The following MSI2 variants were observed in gnomAD, a reference collection of about 807,000 sequenced individuals.
MSI2 encodes the protein RNA-binding protein Musashi homolog 2.
A neutral mutation model predicts 45.6 loss-of-function variants in MSI2; 17 were observed. The ratio of observed to expected loss-of-function variants is 0.37; its 90% CI spans 0.26 to 0.56. The LOEUF (loss-of-function observed/expected upper bound fraction) is 0.56. Among genes scored for constraint, MSI2 ranks in the 20% least tolerant of loss-of-function variants. The pLI, the probability that MSI2 is intolerant of heterozygous loss-of-function variation, is 0.77. For missense variants in MSI2, 293 were observed against 444.2 expected, an observed-to-expected ratio of 0.66 and a Z score of 3.06; for synonymous variants, 156 against 158.2, an observed-to-expected ratio of 0.99 and a Z score of 0.11.
At chr17:57,587,665 C>T (rs1904427796) in intron 7 of MSI2, among the ~76,000 whole-genome samples, 1 of 152,060 alleles carries the variant, frequency 6.6e-6, no homozygotes, top group Non-Finnish European at 1.5e-5. Context: ...AGACCCGTGT[C>T]GACTCACGCC....
At chr17:57,257,432 TCCC>T in intron 2 of MSI2, 31 bp from the exon 3 acceptor site, 4 of 1,033,960 alleles carry the variant, frequency 3.9e-6, no homozygotes, top group Non-Finnish European at 1.4e-6. Context: ...ACACCTTCTC[TCCC>T]CCCCCCATCT....
chr17:57,646,615 C>A (rs1910684370), intron 10 of MSI2, among the ~76,000 whole-genome samples: 1 of 152,196 alleles, frequency 6.6e-6, no homozygotes, highest in Non-Finnish European at 1.5e-5. Flanking sequence ...TCCAATTGCA[C>A]AGCAAAGCAG....
At chr17:57,613,093 T>C (rs898123000) in intron 8 of MSI2, among the ~76,000 whole-genome samples, 1 of 152,174 alleles carries the variant, frequency 6.6e-6, no homozygotes, top group Non-Finnish European at 1.5e-5. Context: ...GCAATGACAA[T>C]ATTCTAATAG....
chr17:57,675,477 G>A (rs924474744), intron 12 of MSI2, among the ~76,000 whole-genome samples: 2 of 152,344 alleles, frequency 1.3e-5, no homozygotes, highest in African/African-American at 4.8e-5. Flanking sequence ...GATTGTGGGA[G>A]GATTATTCGA....
intron 5 of MSI2, among the ~76,000 whole-genome samples, chr17:57,321,088 G>A (rs951430798): frequency 4.0e-5 from 6 of 151,544 alleles, no homozygotes; most frequent in Admixed American, 1.3e-4. Flanking sequence ...TATAATTGGC[G>A]GTGGGGGGGA....
At chr17:57,326,935 ATCTGAGAGTGTTTT>A (rs1913845764) in intron 5 of MSI2, among the ~76,000 whole-genome samples, 1 of 152,206 alleles carries the variant, frequency 6.6e-6, no homozygotes, top group Non-Finnish European at 1.5e-5. Context: ...AGAACTGCTC[ATCTGAGAGTGTTTT>A]TGATAGGGTG....
At chr17:57,659,875 C>T (rs1014182095) in intron 11 of MSI2, among the ~76,000 whole-genome samples, 15 of 152,126 alleles carry the variant, frequency 9.9e-5, no homozygotes, top group African/African-American at 2.7e-4. Flanking sequence ...ACTGGACCTA[C>T]GGGACATCTG....
intron 5 of MSI2, among the ~76,000 whole-genome samples, chr17:57,298,031 T>C (rs1340076121): frequency 1.3e-5 from 2 of 151,914 alleles, no homozygotes; most frequent in Admixed American, 1.3e-4. Flanking sequence ...TAAACTTCTG[T>C]TAATGCTGAT....
chr17:57,581,626 C>T (rs1406007654), intron 7 of MSI2, among the ~76,000 whole-genome samples: 1 of 152,136 alleles, frequency 6.6e-6, no homozygotes, highest in African/African-American at 2.4e-5. Flanking sequence ...CAGACACAGT[C>T]TTAGAACATG....
intron 5 of MSI2, among the ~76,000 whole-genome samples, chr17:57,306,817 G>C: frequency 6.6e-6 from 1 of 152,016 alleles, no homozygotes; most frequent in East Asian, 1.9e-4. Flanking sequence ...ATGAATCTTG[G>C]CTCACTGTGA....
chr17:57,291,259 T>C (rs1910394755), intron 5 of MSI2, among the ~76,000 whole-genome samples: 1 of 152,192 alleles, frequency 6.6e-6, no homozygotes. Context: ...AAGATTCGCT[T>C]ATATGTTTCT....
At chr17:57,499,375 T>TA (rs55797448) in intron 6 of MSI2, among the ~76,000 whole-genome samples, 30,227 of 125,756 alleles carry the variant, frequency 0.24, 4,356 homozygotes, top group African/African-American at 0.36. Flanking sequence ...GATTCTGTCT[T>TA]AAAAAAAAAA....
At chr17:57,326,292 A>C (rs555449314) in intron 5 of MSI2, among the ~76,000 whole-genome samples, 2 of 152,042 alleles carry the variant, frequency 1.3e-5, no homozygotes, top group East Asian at 3.9e-4. Flanking sequence ...TAGTGTGGCT[A>C]TCTGTGGGTT....
chr17:57,379,695 T>C (rs2083565360), intron 5 of MSI2, among the ~76,000 whole-genome samples: 1 of 152,152 alleles, frequency 6.6e-6, no homozygotes, highest in Non-Finnish European at 1.5e-5. Flanking sequence ...ATAAGGGGCC[T>C]GCTGGATGCT....
intron 7 of MSI2, among the ~76,000 whole-genome samples, chr17:57,542,207 C>T (rs1346012319): frequency 1.3e-5 from 2 of 152,084 alleles, no homozygotes; most frequent in South Asian, 4.2e-4. Context: ...CCAAGGAGTC[C>T]GTCGGAAATG....
At chr17:57,423,035 C>G (rs1461737146) in intron 6 of MSI2, among the ~76,000 whole-genome samples, 2 of 152,126 alleles carry the variant, frequency 1.3e-5, no homozygotes, top group East Asian at 3.9e-4. Flanking sequence ...AAAGGGGCCA[C>G]CTCATCTTGG....
intron 7 of MSI2, among the ~76,000 whole-genome samples, chr17:57,586,949 A>C (rs1257996124): frequency 1.3e-5 from 2 of 152,018 alleles, no homozygotes; most frequent in East Asian, 3.9e-4. Flanking sequence ...TATGGTCTCC[A>C]CTTAGCTTGT....
chr17:57,545,937 T>C (rs2087156151), intron 7 of MSI2, among the ~76,000 whole-genome samples: 1 of 151,734 alleles, frequency 6.6e-6, no homozygotes, highest in Admixed American at 6.6e-5. Flanking sequence ...ACCTGGTATT[T>C]ATTGTCCTAG....
chr17:57,627,064 G>A lies in MSI2; in HGVS notation c.653-165G>A, dbSNP rs1567945440. The stretch of plus-strand genomic sequence containing the variant: ...CTGACAGCAGCGCCCCCGGCCACAG[G>A]AGAGAGGTGACCCAGACCCTTAATA... On this transcript the variant is annotated intron_variant, in intron 9 of 13. Transcript: ENST00000284073. The surrounding 1 kb of genome is among the most constrained non-coding windows in gnomAD (Gnocchi z 4.6). The A allele has an allele frequency of 4.5e-6, 3 of 659,932 alleles. No homozygotes were observed. Among genetic ancestry groups the A allele is most frequent in the Non-Finnish European group, 8.1e-6 (3 of 372,492 alleles). 40.9% of individuals were successfully genotyped at this position (659,932 alleles called of 1,614,324 possible). A position where few individuals can be genotyped will look rare whatever the true frequency, so the allele number is the denominator to read the frequency against.
Sources: gnomAD v4.1 joint callset for allele counts (sites outside exome capture counted in the v4.1 genomes callset) on GRCh38, gnomAD v4.1.1 for gene constraint, Gnocchi (gnomAD v3.1) non-coding constraint, MANE v1.5 for transcripts, NCBI Gene and HGNC (gene_info 2026-07-23, HGNC 2026-07-21) for gene names.